USP9X: variants seen among roughly 807,000 people sequenced by gnomAD.
USP9X encodes ubiquitin carboxyl-terminal hydrolase 9X.
A neutral mutation model predicts 190.3 loss-of-function variants in USP9X; 7 were observed. The ratio of observed to expected loss-of-function variants is 0.04; its 90% confidence interval spans 0.02 to 0.07. The LOEUF (loss-of-function observed/expected upper bound fraction) is 0.07. Ranked by LOEUF, USP9X falls within the 10% of genes least tolerant of loss-of-function variation. The pLI is 1.00. For missense variants in USP9X, 1,010 were observed against 1,916.9 expected (o/e 0.53, Z 8.83); for synonymous variants, 645 against 659.5 (o/e 0.98, Z 0.34).
chrX:41,133,857 G>A (rs2062347056), intron 4 of USP9X, among the ~76,000 whole-genome samples: 1 of 112,212 alleles, frequency 8.9e-6, no homozygotes, highest in South Asian at 3.6e-4. Flanking sequence ...ACGTAAGTTG[G>A]TTCAAAATCT....
intron 9 of USP9X, among the ~76,000 whole-genome samples, chrX:41,142,458 G>A (rs2062431042): frequency 9.0e-6 from 1 of 111,403 alleles, no homozygotes; most frequent in Admixed American, 9.6e-5. Context: ...GGGCAACAAA[G>A]CGAGACCCTG....
intron 31 of USP9X, among the ~76,000 whole-genome samples, chrX:41,202,127 G>C (rs2063048057): frequency 8.9e-6 from 1 of 112,251 alleles, no homozygotes; most frequent in Admixed American, 9.4e-5. Flanking sequence ...TTTATGCCAA[G>C]TTATACAGTA....
chrX:41,225,594 C>T (rs1040017092), intron 41 of USP9X, among the ~76,000 whole-genome samples: 1 of 112,254 alleles, frequency 8.9e-6, no homozygotes, highest in East Asian at 2.8e-4. Flanking sequence ...TGTAAAGTCA[C>T]CACAGACACT....
intron 2 of USP9X, among the ~76,000 whole-genome samples, chrX:41,125,439 G>A (rs752459287): frequency 1.9e-5 from 2 of 107,398 alleles, no homozygotes; most frequent in South Asian, 8.2e-4. Flanking sequence ...GTAAATTATG[G>A]TTTTCAAGGA....
intron 1 of USP9X, among the ~76,000 whole-genome samples, chrX:41,095,394 C>T (rs2061982273): frequency 8.9e-6 from 1 of 111,931 alleles, no homozygotes; most frequent in Non-Finnish European, 1.9e-5. Context: ...CAGTTTGGGG[C>T]AGATAAGTCT....
At position 41,210,759 on chromosome X, in the gene USP9X, T is replaced by TA. The variant is rs3214314; in HGVS notation, c.5189+78dup. 366,446 of 1,015,777 alleles carry TA rather than the reference T, an allele frequency of 0.36. 50,468 individuals carry two copies. The highest frequency in any genetic ancestry group is 0.4 in the Non-Finnish European group (300,670 of 744,847). The allele number at this position is 1,015,777 out of a possible 1,213,427, so 83.7% of individuals were successfully genotyped here. On this transcript the variant is annotated intron_variant, in intron 33 of 44. Transcript: ENST00000378308. The stretch of plus-strand genomic sequence containing the variant: ...CAGAAATAAAATTTTTACTAGTACT[T>TA]ACATACAAAAGTGGAGTATATCACT...
intron 14 of USP9X, among the ~76,000 whole-genome samples, chrX:41,155,484 C>G (rs746019062): frequency 8.9e-6 from 1 of 111,763 alleles, no homozygotes; most frequent in African/African-American, 3.3e-5. Context: ...TTTCTTGTTT[C>G]TGGATAGAGT....
In USP9X at chrX:41,214,671, G is replaced by T; in HGVS notation, c.5293G>T (p.Gly1765Cys). Residue 1765 changes from glycine (G) to cysteine (C), a missense_variant, in exon 34 of 45, where the codon GGT becomes TGT. Around this residue, in one of 11 missense-constraint regions of USP9X, gnomAD observed 120 missense variants for 342.7 expected, o/e 0.35. Transcript: ENST00000378308. The stretch of plus-strand genomic sequence containing the variant: ...GTATGTCAAAGGAGATTTACTAGAA[G>T]GTGCAAATGCATATCATTGTGAAAA... ...EQYVKGDLLE[G>C]ANAYHCEKCN... The T allele has an allele frequency of 8.3e-7, 1 of 1,197,924 alleles. No individual in the cohort carries two copies. The highest frequency in any genetic ancestry group is 1.1e-6 in the Non-Finnish European group (1 of 890,979).
At chrX:41,148,261 TGCTTA>T in intron 11 of USP9X, 103 bp from the exon 12 acceptor site, 1 of 786,399 alleles carries the variant, frequency 1.3e-6, no homozygotes, top group Non-Finnish European at 1.9e-6. Context: ...AATCATTCTG[TGCTTA>T]GCTACGTTGC....
rs2062983969 is a variant in USP9X, at chrX:41,196,315, C to T, written c.4042C>T (p.Arg1348Trp). 2 of 1,211,560 alleles carry T rather than the reference C, an allele frequency of 1.7e-6. No homozygotes were observed. The highest frequency in any genetic ancestry group is 2.2e-5 in the Admixed American group (1 of 45,971). The change falls in exon 27 of 45, where the codon CGG becomes TGG. Residue 1348 changes from arginine (R) to tryptophan (W), a missense_variant. This residue lies in a region of USP9X where 351 missense variants were observed against 480.8 expected (regional missense o/e 0.73). Coordinates refer to ENST00000378308, the MANE Select transcript of USP9X (RefSeq NM_001039591.3). ...LMCTRCCMGH[R>W]PLLFFITLLF... ...GTGCACCAGATGTTGCATGGGACAC[C>T]GGCCTCTACTTTTCTTCATTACTCT...
chrX:41,176,841 G>A (rs1446746806), intron 21 of USP9X, among the ~76,000 whole-genome samples: 2 of 112,192 alleles, frequency 1.8e-5, no homozygotes, highest in East Asian at 2.8e-4. Context: ...TTATAGAAAC[G>A]TGCTATAGCA....
chrX:41,190,634 T>G (rs1302057023), intron 26 of USP9X, among the ~76,000 whole-genome samples: 1 of 111,959 alleles, frequency 8.9e-6, no homozygotes, highest in Admixed American at 9.5e-5. Context: ...GGGTAGCAAG[T>G]TTGTTATTCT....
At chrX:41,141,765 TA>T (rs1270294407) in intron 9 of USP9X, among the ~76,000 whole-genome samples, 2 of 111,199 alleles carry the variant, frequency 1.8e-5, no homozygotes, top group Non-Finnish European at 3.8e-5. Context: ...TAGTATCTAG[TA>T]CCTTATAAAG....
chrX:41,184,189 T>A, intron 22 of USP9X, 61 bp downstream of exon 22: 1 of 1,125,267 alleles, frequency 8.9e-7, no homozygotes. Context: ...AAATTTATTC[T>A]GTGTTCTTTA....
Position 41,113,785 on chromosome X carries a change from TAAGA to T in USP9X, c.-158-9682_-158-9679del, listed in dbSNP as rs61533390. Among the ~76,000 whole-genome samples, 688 of 111,333 alleles carry T rather than the reference TAAGA, an allele frequency of 6.2e-3. 6 individuals are homozygous for T. Among genetic ancestry groups the T allele is most frequent in the African/African-American group, 0.019 (588 of 30,582 alleles). On this transcript the variant is annotated intron_variant, in intron 1 of 44. Transcript: ENST00000378308. ...CATAGCTTGGAAATACTGAAAAAAT[TAAGA>T]AAGGTGTGTCATGAACGCGTAAAAT...
At position 41,212,476 on chromosome X, in the gene USP9X, G is replaced by A. The variant is rs866839490; in HGVS notation, c.5189+1794G>A. ...TGATCAATTAAAAAAAAAAAAAAAA[G>A]CCTAAAAAAATAAAAATAAAAAAAG... is the stretch of plus-strand genomic sequence containing the variant. On this transcript the variant is annotated intron_variant, in intron 33 of 44. Coordinates refer to ENST00000378308, the MANE Select transcript of USP9X (RefSeq NM_001039591.3). 2.9e-3 allele frequency among the ~76,000 whole-genome samples: 188 copies of A among 65,297 alleles called. 1 individual carries two copies. Among genetic ancestry groups the A allele is most frequent in the African/African-American group, 8.9e-3 (151 of 16,939 alleles). The allele number at this position is 65,297 out of a possible 115,157, so 56.7% of individuals were successfully genotyped here. A position where few individuals can be genotyped will look rare whatever the true frequency, so the allele number is the denominator to read the frequency against.
At chrX:41,205,890 T>TTTC (rs2063089440) in intron 32 of USP9X, among the ~76,000 whole-genome samples, 2 of 98,834 alleles carry the variant, frequency 2.0e-5, no homozygotes, top group Admixed American at 2.2e-4. Flanking sequence ...TCTTTTTCTT[T>TTTC]TTTTCTTTTT....
At position 41,085,660 on chromosome X, in the gene USP9X, G is replaced by C; in HGVS notation, c.-608G>C. The C allele has an allele frequency of 6.8e-6, 2 of 295,071 alleles. No individual in the cohort carries two copies. The highest frequency in any genetic ancestry group is 5.9e-6 in the Non-Finnish European group (1 of 168,606). 24.3% of individuals were successfully genotyped at this position (295,071 alleles called of 1,213,427 possible). A position where few individuals can be genotyped will look rare whatever the true frequency, so the allele number is the denominator to read the frequency against. ...GCGGCCGCCTTAGCGCCCGGTGCTTGGGTCGGCGCCGGGAGCGAGGAGCGA... is the reference window on the plus strand; with the variant it reads ...GCGGCCGCCTTAGCGCCCGGTGCTTCGGTCGGCGCCGGGAGCGAGGAGCGA... On this transcript the variant is annotated 5_prime_UTR_variant, in exon 1 of 45. Transcript: ENST00000378308.
At chrX:41,174,068 G>A (rs975277404) in intron 21 of USP9X, among the ~76,000 whole-genome samples, 2 of 111,783 alleles carry the variant, frequency 1.8e-5, no homozygotes, top group Non-Finnish European at 1.9e-5. Context: ...GCTTGTATGG[G>A]TTTATAGCCT....
Sources: allele counts gnomAD v4.1 joint callset (sites outside exome capture counted in the v4.1 genomes callset), GRCh38; gene constraint gnomAD v4.1.1; regional missense constraint gnomAD v4.1.1; transcripts MANE v1.5; gene names NCBI Gene and HGNC (gene_info 2026-07-23, HGNC 2026-07-21).